Variants in AMMECR1 observed in about 807,000 individuals in gnomAD.
AMMECR1 encodes the protein AMMECR nuclear protein 1, also known as nuclear protein AMMECR1.
In AMMECR1, 3 loss-of-function variants were observed where a neutral mutation model predicts 22.5. That is an observed-to-expected ratio of 0.13 (90% CI 0.06 to 0.35). AMMECR1 has a LOEUF of 0.35. Ranked by LOEUF, AMMECR1 falls within the 10% of genes least tolerant of loss-of-function variation. The probability of loss-of-function intolerance (pLI) is 1.00; values close to 1 mark genes in which losing one functional copy is unlikely to be tolerated. For synonymous variants in AMMECR1, 130 were observed against 116.7 expected, an observed-to-expected ratio of 1.11 and a Z score of -0.74; for missense variants, 235 against 278.7, an observed-to-expected ratio of 0.84 and a Z score of 1.12.
At chrX:110,208,296 G>A (rs748680290) in intron 3 of AMMECR1, among the ~76,000 whole-genome samples, 5 of 112,266 alleles carry the variant, frequency 4.5e-5, no homozygotes, top group African/African-American at 9.7e-5. Context: ...ACCTTTTAAC[G>A]TACTCTACTA....
At chrX:110,245,320 A>C (rs1438852207) in intron 2 of AMMECR1, among the ~76,000 whole-genome samples, 1 of 112,292 alleles carries the variant, frequency 8.9e-6, no homozygotes, top group East Asian at 2.8e-4. Context: ...CTTTTATACC[A>C]GATGTTTTGT....
intron 1 of AMMECR1, among the ~76,000 whole-genome samples, chrX:110,285,727 G>GGTA (rs1030596012): frequency 7.2e-5 from 8 of 111,362 alleles, no homozygotes; most frequent in Admixed American, 5.7e-4. Context: ...CTCAATACAT[G>GGTA]GTAGTAGTAG....
chrX:110,272,268 G>C (rs779662840), intron 1 of AMMECR1, among the ~76,000 whole-genome samples: 2 of 110,750 alleles, frequency 1.8e-5, no homozygotes, highest in African/African-American at 6.5e-5. Flanking sequence ...AGGCAAAAAA[G>C]AGCTTCTATT....
upstream of AMMECR1, among the ~76,000 whole-genome samples, chrX:110,319,903 C>T (rs751735805): frequency 8.7e-4 from 97 of 111,794 alleles, no homozygotes; most frequent in Admixed American, 9.0e-3. Context: ...CAGGTGGAAC[C>T]GAGGTTAAAC....
At chrX:110,306,814 A>C (rs2067998169) in intron 1 of AMMECR1, 1 of 112,187 alleles carries the variant, frequency 8.9e-6, no homozygotes, top group Non-Finnish European at 1.9e-5. Context: ...CCTAGAAGAA[A>C]TGAGTTGCTT....
chrX:110,310,224 T>A (rs910027091), intron 1 of AMMECR1, among the ~76,000 whole-genome samples: 1 of 111,914 alleles, frequency 8.9e-6, no homozygotes. Flanking sequence ...TAGTAAGAAA[T>A]CTGATTTCAC....
chrX:110,358,031 A>G (rs1408373967), intron 2 of AMMECR1, among the ~76,000 whole-genome samples: 1 of 111,967 alleles, frequency 8.9e-6, no homozygotes, highest in Non-Finnish European at 1.9e-5. Context: ...TTTTGAAAAA[A>G]AATTCTTTGC....
Position 110,271,726 on chromosome X carries a change from T to G in AMMECR1, c.474-7127A>C, listed in dbSNP as rs1295631537. 4.5e-5 allele frequency among the ~76,000 whole-genome samples: 5 copies of G among 111,739 alleles called. 1 individual carries two copies. The highest frequency in any genetic ancestry group is 1.6e-4 in the African/African-American group (5 of 30,722). The stretch of plus-strand genomic sequence containing the variant: ...TTTCTTAGTTTACACTGAGAACATT[T>G]AAAGGGAAAAATAGCTGTGGGTTTT... On this transcript the variant is annotated intron_variant, in intron 1 of 5. Transcript: ENST00000262844.
chrX:110,238,674 C>T (rs923719821), intron 2 of AMMECR1, among the ~76,000 whole-genome samples: 2 of 112,624 alleles, frequency 1.8e-5, no homozygotes, highest in African/African-American at 6.4e-5. Flanking sequence ...CAGTGGATCT[C>T]CCAGCACAGT....
chrX:110,281,965 A>G (rs2067855017), intron 1 of AMMECR1, among the ~76,000 whole-genome samples: 1 of 112,367 alleles, frequency 8.9e-6, no homozygotes, highest in African/African-American at 3.2e-5. Flanking sequence ...TTGCTGAAAG[A>G]ATAAAATAGG....
At chrX:110,356,150 CTT>C (rs1288370078) in intron 2 of AMMECR1, among the ~76,000 whole-genome samples, 2,766 of 88,087 alleles carry the variant, frequency 0.031, 109 homozygotes, top group African/African-American at 0.11. Flanking sequence ...GAGGCATAAC[CTT>C]TTTTTTTTTT....
chrX:110,408,524 A>G (rs755473678), intron 2 of AMMECR1, among the ~76,000 whole-genome samples: 50 of 112,266 alleles, frequency 4.5e-4, no homozygotes, highest in Non-Finnish European at 8.8e-4. Flanking sequence ...AACTTTTACT[A>G]TAAATGTTTT....
chrX:110,390,752 C>T (rs1269892037), intron 2 of AMMECR1, among the ~76,000 whole-genome samples: 1 of 112,326 alleles, frequency 8.9e-6, no homozygotes, highest in East Asian at 2.8e-4. Flanking sequence ...ACAAACTTAT[C>T]AGTCATGAAG....
intron 2 of AMMECR1, among the ~76,000 whole-genome samples, chrX:110,363,727 A>G (rs1418493239): frequency 9.0e-6 from 1 of 111,512 alleles, no homozygotes; most frequent in African/African-American, 3.3e-5. Flanking sequence ...AATAAACTAC[A>G]TGACTCCATC....
intron 2 of AMMECR1, among the ~76,000 whole-genome samples, chrX:110,217,180 TTTCA>T (rs1310119351): frequency 9.3e-6 from 1 of 108,063 alleles, no homozygotes; most frequent in East Asian, 2.9e-4. Context: ...AAGATCAAAA[TTTCA>T]TTTTCTTCAA....
chrX:110,358,332 A>C (rs1218365949), intron 2 of AMMECR1, among the ~76,000 whole-genome samples: 1 of 111,844 alleles, frequency 8.9e-6, no homozygotes, highest in Non-Finnish European at 1.9e-5. Flanking sequence ...ATAGTGGATA[A>C]GAGCTATAGT....
intron 1 of AMMECR1, among the ~76,000 whole-genome samples, chrX:110,294,530 T>C (rs1408307722): frequency 2.7e-5 from 3 of 111,758 alleles, no homozygotes; most frequent in Non-Finnish European, 5.6e-5. Flanking sequence ...TCCAGAAACA[T>C]TGCAGTACTG....
intron 2 of AMMECR1, among the ~76,000 whole-genome samples, chrX:110,241,171 C>G (rs189840589): frequency 1.8e-5 from 2 of 110,996 alleles, no homozygotes; most frequent in Non-Finnish European, 3.8e-5. Context: ...ATTAAAAGAA[C>G]TAGAGAAGCA....
intron 2 of AMMECR1, among the ~76,000 whole-genome samples, chrX:110,245,486 G>A (rs2067654059): frequency 9.0e-6 from 1 of 110,722 alleles, no homozygotes; most frequent in African/African-American, 3.3e-5. Context: ...GGAATGACAA[G>A]GGAAGCTGGG....
Sources: gnomAD v4.1 joint callset for allele counts (sites outside exome capture counted in the v4.1 genomes callset) on GRCh38, gnomAD v4.1.1 for gene constraint, MANE v1.5 for transcripts, NCBI Gene and HGNC (gene_info 2026-07-23, HGNC 2026-07-21) for gene names.